Variants in PRDM15 observed in about 807,000 individuals in gnomAD.
PRDM15 encodes PR/SET domain 15, also known as PR domain zinc finger protein 15.
PRDM15 carries 64 observed loss-of-function variants against 128.6 expected under a neutral mutation model. That is an observed-to-expected ratio of 0.50 (90% confidence interval 0.41 to 0.61). PRDM15 has a LOEUF of 0.61. PRDM15 is among the 20% of genes least tolerant of loss of function. The probability of loss-of-function intolerance (pLI) is 0.00; values close to 1 mark genes in which losing one functional copy is unlikely to be tolerated. For missense variants in PRDM15, 1,242 were observed against 1,569.1 expected, an observed-to-expected ratio of 0.79 and a Z score of 3.52; for synonymous variants, 615 against 621.8, an observed-to-expected ratio of 0.99 and a Z score of 0.16.
At position 41,815,817 on chromosome 21, in the gene PRDM15, C is replaced by A. The variant is rs779703701; in HGVS notation, c.2280G>T (p.Ala760=). Residue 760 remains alanine (A), a synonymous_variant, in exon 19 of 24, where the codon GCG becomes GCT. Coordinates refer to ENST00000398548, the MANE Select transcript of PRDM15 (RefSeq NM_001040424.3). The part of the protein sequence containing the change: ...ECGKGMKTKH[A]LRHHMKLHKG... Reference sequence around the variant, plus strand: ...TGTGCAGCTTCATGTGGTGGCGCAGCGCGTGCTTGGTCTTCATGCCTTCAA... The same window carrying A: ...TGTGCAGCTTCATGTGGTGGCGCAGAGCGTGCTTGGTCTTCATGCCTTCAA... 1.2e-6 allele frequency: 2 copies of A among 1,613,728 alleles called. No homozygotes were observed. The highest frequency in any genetic ancestry group is 1.7e-6 in the Non-Finnish European group (2 of 1,179,956).
At position 41,859,512 on chromosome 21, in the gene PRDM15, C is replaced by A; in HGVS notation, c.131+80G>T. On this transcript the variant is annotated intron_variant, in intron 3 of 23. Transcript: ENST00000398548. The surrounding 1 kb of genome is among the most constrained non-coding windows in gnomAD (Gnocchi z 5.3). ...TGTTCTCCCTCAGGCTCCTTCCTCCCCGTCTGCAGACCCAAAGGCCACTAG... is the reference window on the plus strand; with the variant it reads ...TGTTCTCCCTCAGGCTCCTTCCTCCACGTCTGCAGACCCAAAGGCCACTAG... 1 of 1,143,690 alleles carries A rather than the reference C, an allele frequency of 8.7e-7. No individual in the cohort carries two copies. The allele number at this position is 1,143,690 out of a possible 1,614,324, so 70.8% of individuals were successfully genotyped here. A position where few individuals can be genotyped will look rare whatever the true frequency, so the allele number is the denominator to read the frequency against.
chr21:41,836,445 C>A, intron 9 of PRDM15, 23 bp downstream of exon 9: 1 of 1,597,702 alleles, frequency 6.3e-7, no homozygotes, highest in Non-Finnish European at 8.6e-7. Flanking sequence ...GCCCCGGGCG[C>A]CAGCCGGGCC....
rs1359878110 is a variant in PRDM15, at chr21:41,799,882, AGT to A, written c.*1356_*1357del. On this transcript the variant is annotated 3_prime_UTR_variant, in exon 24 of 24. Coordinates refer to ENST00000398548, the MANE Select transcript of PRDM15 (RefSeq NM_001040424.3). ...GAGCAAACTTCTCCCCACACCTCTC[AGT>A]GTTTCTTGTCGTGGGCAGCAGGAGG... 3 of 152,362 alleles carry A rather than the reference AGT, an allele frequency of 2.0e-5. No individual in the cohort carries two copies. Among genetic ancestry groups the A allele is most frequent in the Non-Finnish European group, 4.4e-5 (3 of 68,052 alleles). The allele number at this position is 152,362 out of a possible 1,614,324, so 9.4% of individuals were successfully genotyped here.
In PRDM15 at chr21:41,854,654, C is replaced by T. The variant is rs536151317; in HGVS notation, c.450G>A (p.Pro150=). 2.5e-5 allele frequency: 40 copies of T among 1,613,628 alleles called. 1 individual carries two copies. The highest frequency in any genetic ancestry group is 9.9e-5 in the South Asian group (9 of 91,090). The change falls in exon 5 of 24, where the codon CCG becomes CCA. Residue 150 remains proline, a synonymous_variant. Transcript: ENST00000398548. The surrounding 1 kb of genome is among the most constrained non-coding windows in gnomAD (Gnocchi z 4.6). ...VYFTTSRDIP[P]GTELRVWYAA... ...CATACCACACGCGCAGCTCGGTACC[C>T]GGGGGGATGTCTCTGGAGGTGGTGA... is the stretch of plus-strand genomic sequence containing the variant.
chr21:41,865,134 C>CTTAGCTTAACGT (rs2063960036), intron 1 of PRDM15, among the ~76,000 whole-genome samples: 3 of 133,588 alleles, frequency 2.2e-5, no homozygotes, highest in East Asian at 2.6e-4. Context: ...ACTCCTCAGT[C>CTTAGCTTAACGT]CCCACTCCCC....
Position 41,802,821 on chromosome 21 carries a change from C to T in PRDM15, c.2834G>A (p.Gly945Asp). 1.2e-6 allele frequency: 2 copies of T among 1,614,204 alleles called. No homozygotes were observed. Among genetic ancestry groups the T allele is most frequent in the Non-Finnish European group, 1.7e-6 (2 of 1,180,028 alleles). Reference protein sequence around the residue: ...KRKQKPEEEAGAPVPEDATFS... With the variant: ...KRKQKPEEEADAPVPEDATFS... Reference sequence around the variant, plus strand: ...GGTGGCGTCCTCGGGCACCGGAGCACCCGCCTCCTCTTCTGGCTTCTGCTT... The same window carrying T: ...GGTGGCGTCCTCGGGCACCGGAGCATCCGCCTCCTCTTCTGGCTTCTGCTT... The change falls in exon 23 of 24, where the codon GGT becomes GAT. Residue 945 changes from glycine to aspartate, a missense_variant. Gly to Asp is a moderately conservative substitution (Grantham distance 94). Coordinates refer to ENST00000398548, the MANE Select transcript of PRDM15 (RefSeq NM_001040424.3).
chr21:41,806,677 CCACCACCAT>C (rs2061681022), intron 21 of PRDM15, among the ~76,000 whole-genome samples: 1 of 27,420 alleles, frequency 3.6e-5, no homozygotes, highest in Admixed American at 3.6e-4. Context: ...ATCACCATCA[CCACCACCAT>C]CACCACCACC....
In PRDM15 at chr21:41,821,870, C is replaced by A; in HGVS notation, c.1896+33G>T. The A allele has an allele frequency of 1.2e-6, 2 of 1,612,200 alleles. No homozygotes were observed. The stretch of plus-strand genomic sequence containing the variant: ...TGAAACGACCACCTTCCTCTCCAGA[C>A]CACCCAGGCACCGCGGGGCAAACCC... On this transcript the variant is annotated intron_variant, in intron 15 of 23. Coordinates refer to ENST00000398548, the MANE Select transcript of PRDM15 (RefSeq NM_001040424.3). The surrounding 1 kb of genome is among the most constrained non-coding windows in gnomAD (Gnocchi z 5.4).
intron 5 of PRDM15, among the ~76,000 whole-genome samples, chr21:41,853,292 A>G (rs959881765): frequency 1.3e-5 from 2 of 152,244 alleles, no homozygotes; most frequent in African/African-American, 4.8e-5. Flanking sequence ...GAACCTTCCA[A>G]TAAGTTAAGA....
At chr21:41,864,416 A>G (rs1480845364) in intron 1 of PRDM15, among the ~76,000 whole-genome samples, 1 of 152,194 alleles carries the variant, frequency 6.6e-6, no homozygotes, top group Non-Finnish European at 1.5e-5. Flanking sequence ...AACACAATCT[A>G]TAAAAGGAAA....
Position 41,821,348 on chromosome 21 carries a change from A to C in PRDM15, c.1897-118T>G. On this transcript the variant is annotated intron_variant, in intron 15 of 23. Coordinates refer to ENST00000398548, the MANE Select transcript of PRDM15 (RefSeq NM_001040424.3). The surrounding 1 kb of genome is among the most constrained non-coding windows in gnomAD (Gnocchi z 5.4). ...GACACGCCCTGAGAGCCCATGACTC[A>C]TGCCAGGGTGGAAGGGACTCTCAGA... 1 of 1,208,810 alleles carries C rather than the reference A, an allele frequency of 8.3e-7. No individual in the cohort carries two copies. Among genetic ancestry groups the C allele is most frequent in the Non-Finnish European group, 1.2e-6 (1 of 857,424 alleles). The allele number at this position is 1,208,810 out of a possible 1,614,324, so 74.9% of individuals were successfully genotyped here.
chr21:41,842,730 C>G (rs189807086), intron 6 of PRDM15, among the ~76,000 whole-genome samples: 1 of 150,538 alleles, frequency 6.6e-6, no homozygotes, highest in Non-Finnish European at 1.5e-5. Flanking sequence ...ACCTCGTGAT[C>G]TGCCTGCCTC....
In PRDM15 at chr21:41,854,140, A is replaced by T. The variant is rs1347766038; in HGVS notation, c.538+426T>A. 6.6e-6 allele frequency among the ~76,000 whole-genome samples: 1 copy of T among 152,164 alleles called. No individual in the cohort carries two copies. Among genetic ancestry groups the T allele is most frequent in the Non-Finnish European group, 1.5e-5 (1 of 68,004 alleles). On this transcript the variant is annotated intron_variant, in intron 5 of 23. Transcript: ENST00000398548. The surrounding 1 kb of genome is among the most constrained non-coding windows in gnomAD (Gnocchi z 4.6). ...ATGTTTACATAGACAAATACTGACC[A>T]TGTGTTACAGTTGCCCACAGCATGC...
In PRDM15 at chr21:41,821,299, T is replaced by A. The variant is rs2062253871; in HGVS notation, c.1897-69A>T. ...TCCCTGGTCCTCTTAGCTAATGAGG[T>A]CGTGTCCACAAACCAGGGCACCCGA... On this transcript the variant is annotated intron_variant, in intron 15 of 23. Coordinates refer to ENST00000398548, the MANE Select transcript of PRDM15 (RefSeq NM_001040424.3). The surrounding 1 kb of genome is among the most constrained non-coding windows in gnomAD (Gnocchi z 5.4). 3 of 1,580,440 alleles carry A rather than the reference T, an allele frequency of 1.9e-6. No homozygotes were observed. In the East Asian group the frequency reaches 6.8e-5, roughly 36 times the overall value.
rs753331383 is a variant in PRDM15, at chr21:41,819,578, C to A, written c.2260+4G>T. The A allele has an allele frequency of 4.8e-5, 77 of 1,612,278 alleles. 1 individual carries two copies. The East Asian group carries it at 1.7e-3, about 36-fold the overall frequency. On this transcript the variant is annotated splice_donor_region_variant and intron_variant, in intron 18 of 23. Coordinates refer to ENST00000398548, the MANE Select transcript of PRDM15 (RefSeq NM_001040424.3). ...TGGCCCATGTCCCCAGCACCCGTAC[C>A]CACCTTTCCCACACTCGGCACACAG...
Position 41,858,895 on chromosome 21 carries a change from G to A in PRDM15, c.131+697C>T, listed in dbSNP as rs959857211. On this transcript the variant is annotated intron_variant, in intron 3 of 23. Coordinates refer to ENST00000398548, the MANE Select transcript of PRDM15 (RefSeq NM_001040424.3). ...GGGGAGGCTCCTGGAAACAGTTCTG[G>A]AAAGACGGCGGCCACCTGTGCAGCG... The A allele has an allele frequency of 7.8e-6, 5 of 642,526 alleles. No individual in the cohort carries two copies. In the African/African-American group the frequency reaches 9.2e-5, roughly 12 times the overall value. The allele number at this position is 642,526 out of a possible 1,614,324, so 39.8% of individuals were successfully genotyped here.
intron 1 of PRDM15, among the ~76,000 whole-genome samples, chr21:41,873,228 A>C (rs769030874): frequency 6.6e-6 from 1 of 152,090 alleles, no homozygotes; most frequent in Non-Finnish European, 1.5e-5. Flanking sequence ...CCCTTTCCTT[A>C]GTCTACTCCC....
rs1453103484 is a variant in PRDM15, at chr21:41,821,834, G to C, written c.1896+69C>G. The C allele has an allele frequency of 6.3e-7, 1 of 1,577,702 alleles. No homozygotes were observed. The highest frequency in any genetic ancestry group is 8.7e-7 in the Non-Finnish European group (1 of 1,154,204). On this transcript the variant is annotated intron_variant, in intron 15 of 23. Coordinates refer to ENST00000398548, the MANE Select transcript of PRDM15 (RefSeq NM_001040424.3). The surrounding 1 kb of genome is among the most constrained non-coding windows in gnomAD (Gnocchi z 5.4). ...TGCATGAAGGTGCCTGCTGTGTGGG[G>C]CCCACAGCCTTGAAACGACCACCTT...
In PRDM15 at chr21:41,821,895, C is replaced by G; in HGVS notation, c.1896+8G>C. ...CCACCCAGGCACCGCGGGGCAAACC[C>G]GCCATACCTGGCACCGCTTGCAGCT... On this transcript the variant is annotated splice_region_variant and intron_variant, in intron 15 of 23. Coordinates refer to ENST00000398548, the MANE Select transcript of PRDM15 (RefSeq NM_001040424.3). The surrounding 1 kb of genome is among the most constrained non-coding windows in gnomAD (Gnocchi z 5.4). 6.2e-7 allele frequency: 1 copy of G among 1,613,964 alleles called. No individual in the cohort carries two copies. Among genetic ancestry groups the G allele is most frequent in the East Asian group, 2.2e-5 (1 of 44,872 alleles).
Sources: allele counts gnomAD v4.1 joint callset (sites outside exome capture counted in the v4.1 genomes callset), GRCh38; gene constraint gnomAD v4.1.1; non-coding constraint Gnocchi (gnomAD v3.1); transcripts MANE v1.5; gene names NCBI Gene and HGNC (gene_info 2026-07-23, HGNC 2026-07-21).